Variants in COL22A1 observed in about 807,000 individuals in gnomAD.
COL22A1 encodes the protein collagen alpha-1(XXII) chain.
A neutral mutation model predicts 248.9 loss-of-function variants in COL22A1; 221 were observed. That is an observed-to-expected ratio of 0.89 (90% CI 0.80 to 0.99). COL22A1 has a LOEUF of 0.99. COL22A1 is among the 50% of genes least tolerant of loss of function. The probability of loss-of-function intolerance (pLI) is 0.00; values close to 1 mark genes in which losing one functional copy is unlikely to be tolerated. For missense variants in COL22A1, 2,240 were observed against 2,179.0 expected (o/e 1.03, Z -0.56); for synonymous variants, 891 against 793.4 (o/e 1.12, Z -2.07).
chr8:138,896,727 C>T (rs1825439432), intron 1 of COL22A1, among the ~76,000 whole-genome samples: 1 of 152,188 alleles, frequency 6.6e-6, no homozygotes, highest in Non-Finnish European at 1.5e-5. Context: ...AATCCCAACA[C>T]TTTGGGAGGC....
rs769315745 is a variant in COL22A1 at position 138,594,131 on chromosome 8, G to A, written c.4501C>T (p.Pro1501Ser). 1.9e-6 allele frequency: 3 copies of A among 1,576,400 alleles called. No homozygotes were observed. Among genetic ancestry groups the A allele is most frequent in the South Asian group, 2.3e-5 (2 of 85,618 alleles). Residue 1501 changes from proline (P) to serine (S), a missense_variant, in exon 63 of 65, where the codon CCC becomes TCC. By Grantham distance (74) the Pro-to-Ser change is moderately conservative. Coordinates refer to ENST00000303045, the MANE Select transcript of COL22A1 (RefSeq NM_152888.3). ...YMKSSQGRPG[P>S]PGPPGKDGLP... ...CCATCTTTTCCAGGGGGCCCTGGGG[G>A]CCCAGGTCTGCCTTGAGATGACTTC...
At chr8:138,868,048 C>A (rs1047437790) in intron 3 of COL22A1, among the ~76,000 whole-genome samples, 1 of 152,190 alleles carries the variant, frequency 6.6e-6, no homozygotes, top group African/African-American at 2.4e-5. Context: ...CAGGCATGAG[C>A]CACCGCACCC....
At chr8:138,765,965 G>C (rs576017500) in intron 16 of COL22A1, among the ~76,000 whole-genome samples, 2 of 152,252 alleles carry the variant, frequency 1.3e-5, no homozygotes, top group African/African-American at 2.4e-5. Flanking sequence ...TGATGAGACA[G>C]CTGCTGAGTA....
intron 1 of COL22A1, among the ~76,000 whole-genome samples, chr8:138,904,004 C>T (rs1814811873): frequency 6.6e-6 from 1 of 152,244 alleles, no homozygotes; most frequent in African/African-American, 2.4e-5. Flanking sequence ...TGTCAAAAGT[C>T]CAGAGGTACC....
intron 63 of COL22A1, among the ~76,000 whole-genome samples, chr8:138,592,735 C>T (rs922995023): frequency 4.2e-5 from 4 of 95,700 alleles, no homozygotes; most frequent in South Asian, 3.0e-4. Flanking sequence ...TATTCCTAAT[C>T]GGTCGGACAG....
chr8:138,672,575 C>T (rs1255244845), intron 41 of COL22A1, among the ~76,000 whole-genome samples: 1 of 152,132 alleles, frequency 6.6e-6, no homozygotes. Context: ...GTCCTCAATG[C>T]CTGGACCAAC....
chr8:138,866,421 G>A (rs1228458485), intron 3 of COL22A1, among the ~76,000 whole-genome samples: 1 of 152,176 alleles, frequency 6.6e-6, no homozygotes, highest in African/African-American at 2.4e-5. Context: ...CTATGTTTAG[G>A]TGTATGTCCT....
intron 45 of COL22A1, among the ~76,000 whole-genome samples, chr8:138,653,853 A>C (rs1039493429): frequency 2.0e-5 from 3 of 152,134 alleles, no homozygotes; most frequent in African/African-American, 7.2e-5. Flanking sequence ...GAAGATGAAC[A>C]TAGTCTGTTC....
Position 138,821,337 on chromosome 8 carries a change from C to T in COL22A1, c.1044G>A (p.Arg348=). ...TGACCCGAGAACCTCGGAAGACCAC[C>T]CTGACAGCATCTTTCATGGCACCCA... The part of the protein sequence containing the change: ...NAVGAMKDAV[R]VVFRGSRVND... The change falls in exon 7 of 65, where the codon AGG becomes AGA. Residue 348 remains arginine (R), a synonymous_variant. Transcript: ENST00000303045. The T allele has an allele frequency of 6.2e-7, 1 of 1,614,162 alleles. No individual in the cohort carries two copies. The highest frequency in any genetic ancestry group is 8.5e-7 in the Non-Finnish European group (1 of 1,180,024).
intron 22 of COL22A1, among the ~76,000 whole-genome samples, chr8:138,742,176 T>C (rs1161620956): frequency 6.6e-6 from 1 of 151,600 alleles, no homozygotes; most frequent in Admixed American, 6.6e-5. Flanking sequence ...GTGATGGTGA[T>C]GGTAAAGTTG....
At chr8:138,825,514 TCA>T (rs1819510508) in intron 6 of COL22A1, among the ~76,000 whole-genome samples, 4 of 152,316 alleles carry the variant, frequency 2.6e-5, no homozygotes, top group African/African-American at 7.2e-5. Flanking sequence ...TAGAAAATAT[TCA>T]CAGAGTTATT....
At chr8:138,844,225 G>T (rs1196461033) in intron 3 of COL22A1, 67 bp from the exon 4 acceptor site, 2 of 1,462,612 alleles carry the variant, frequency 1.4e-6, no homozygotes, top group South Asian at 2.3e-5. Context: ...TGTGAAATAT[G>T]ACAGCACACA....
Position 138,596,981 on chromosome 8 carries a change from G to A in COL22A1, c.4366-11C>T. ...GGATGGAGACTCCCCCTAGGAGGGA[G>A]GGAAGGTGGAGTCATTCATCTTCCC... On this transcript the variant is annotated splice_polypyrimidine_tract_variant and intron_variant, in intron 61 of 64. Transcript: ENST00000303045. 1 of 1,612,160 alleles carries A rather than the reference G, an allele frequency of 6.2e-7. No individual in the cohort carries two copies. The highest frequency in any genetic ancestry group is 2.2e-5 in the East Asian group (1 of 44,844).
chr8:138,897,440 T>C (rs898788551), intron 1 of COL22A1, among the ~76,000 whole-genome samples: 13 of 151,946 alleles, frequency 8.6e-5, no homozygotes, highest in Non-Finnish European at 1.6e-4. Context: ...TCACAGCTAC[T>C]CAGGAGGCTG....
At chr8:138,790,919 C>T (rs1373294705) in intron 12 of COL22A1, among the ~76,000 whole-genome samples, 1 of 152,198 alleles carries the variant, frequency 6.6e-6, no homozygotes, top group Non-Finnish European at 1.5e-5. Context: ...CCCCCATTTG[C>T]TGTCCCTGCC....
chr8:138,809,874 A>G (rs1818059337), intron 9 of COL22A1, among the ~76,000 whole-genome samples: 1 of 151,830 alleles, frequency 6.6e-6, no homozygotes, highest in African/African-American at 2.4e-5. Context: ...TTATATATCA[A>G]CTCAGCTCTT....
intron 47 of COL22A1, among the ~76,000 whole-genome samples, chr8:138,642,130 C>T (rs1026013620): frequency 6.6e-6 from 1 of 152,154 alleles, no homozygotes; most frequent in African/African-American, 2.4e-5. Flanking sequence ...AAGCATTGCA[C>T]CCCATTAGGA....
In COL22A1 at chr8:138,883,241, T is replaced by C; in HGVS notation, c.-69A>G. The C allele has an allele frequency of 7.0e-7, 1 of 1,436,980 alleles. No individual in the cohort carries two copies. Among genetic ancestry groups the C allele is most frequent in the Non-Finnish European group, 9.5e-7 (1 of 1,052,080 alleles). 89.0% of individuals were successfully genotyped at this position (1,436,980 alleles called of 1,614,324 possible). A position where few individuals can be genotyped will look rare whatever the true frequency, so the allele number is the denominator to read the frequency against. ...GACGCTGTTAGGGTCTACAGCAGCATGGCCTGTGTGGAGAAAGACACCCTT... is the reference window on the plus strand; with the variant it reads ...GACGCTGTTAGGGTCTACAGCAGCACGGCCTGTGTGGAGAAAGACACCCTT... On this transcript the variant is annotated 5_prime_UTR_variant, in exon 2 of 65. The change abolishes an upstream ATG in the 5' untranslated region. Transcript: ENST00000303045.
In COL22A1 at chr8:138,737,511, A is replaced by G. The variant is rs1290149554; in HGVS notation, c.2139+13T>C. The G allele has an allele frequency of 1.3e-6, 2 of 1,588,762 alleles. No individual in the cohort carries two copies. The highest frequency in any genetic ancestry group is 1.7e-6 in the Non-Finnish European group (2 of 1,157,016). ...GCAGCGTTGCTATGGAAGAGAATGT[A>G]AAAGGTAGTTACCTGCAGCCCCAGC... On this transcript the variant is annotated intron_variant, in intron 23 of 64. Transcript: ENST00000303045.
Sources: gnomAD v4.1 joint callset for allele counts (sites outside exome capture counted in the v4.1 genomes callset) on GRCh38, gnomAD v4.1.1 for gene constraint, MANE v1.5 for transcripts, NCBI Gene and HGNC (gene_info 2026-07-23, HGNC 2026-07-21) for gene names.